Variants in PVT1 observed in about 807,000 individuals in gnomAD.
The protein encoded by PVT1 is Pvt1 oncogene.
intron 4 of PVT1, among the ~76,000 whole-genome samples, chr8:128,065,317 G>A (rs745672526): frequency 1.3e-5 from 2 of 152,042 alleles, no homozygotes; most frequent in African/African-American, 2.4e-5. Context: ...TCAGCCTCCA[G>A]AGTAGCTGGG....
intron 4 of PVT1, chr8:128,009,795 T>C (rs1170969540): frequency 1.3e-5 from 2 of 152,210 alleles, no homozygotes; most frequent in Non-Finnish European, 2.9e-5. Flanking sequence ...GTGTCTAAGA[T>C]GCAGTGTTAA....
chr8:127,851,558 C>T (rs751392002), intron 2 of PVT1, among the ~76,000 whole-genome samples: 4 of 152,236 alleles, frequency 2.6e-5, no homozygotes, highest in South Asian at 2.1e-4. Context: ...CCATGCTGCA[C>T]GGACACAGCC....
At chr8:127,814,027 C>T (rs916502134) in intron 2 of PVT1, among the ~76,000 whole-genome samples, 1 of 152,224 alleles carries the variant, frequency 6.6e-6, no homozygotes. Context: ...AGGTGATCCA[C>T]CCGCCTTGAC....
At chr8:128,042,722 T>C (rs1224052008) in intron 4 of PVT1, among the ~76,000 whole-genome samples, 2 of 151,934 alleles carry the variant, frequency 1.3e-5, no homozygotes, top group Admixed American at 6.6e-5. Context: ...TATGAGGAGA[T>C]TGGACTAGGT....
chr8:128,034,424 T>G (rs1038432767), intron 4 of PVT1, among the ~76,000 whole-genome samples: 1 of 152,218 alleles, frequency 6.6e-6, no homozygotes, highest in Non-Finnish European at 1.5e-5. Flanking sequence ...CTTTCCATTT[T>G]GGAACATTAC....
At chr8:127,896,206 G>C (rs1322057203) in intron 3 of PVT1, among the ~76,000 whole-genome samples, 4 of 152,050 alleles carry the variant, frequency 2.6e-5, no homozygotes, top group African/African-American at 9.7e-5. Context: ...CTATGTCCTA[G>C]GCTCTGATAT....
intron 3 of PVT1, among the ~76,000 whole-genome samples, chr8:127,897,774 A>G (rs1815701208): frequency 6.6e-6 from 1 of 151,324 alleles, no homozygotes. Context: ...CTGAGTGAAG[A>G]AAAATACCCT....
intron 2 of PVT1, among the ~76,000 whole-genome samples, chr8:127,839,046 A>G (rs1022222079): frequency 2.6e-5 from 4 of 152,040 alleles, no homozygotes; most frequent in African/African-American, 9.7e-5. Flanking sequence ...TGTACCATAT[A>G]GTCCAGATGT....
At chr8:127,969,484 C>T (rs1156790895) in intron 3 of PVT1, among the ~76,000 whole-genome samples, 2 of 152,206 alleles carry the variant, frequency 1.3e-5, no homozygotes, top group East Asian at 3.9e-4. Context: ...TGAAGTTCTA[C>T]AGCCCTCTGA....
At chr8:127,945,957 C>A (rs560763050) in intron 3 of PVT1, among the ~76,000 whole-genome samples, 1 of 152,264 alleles carries the variant, frequency 6.6e-6, no homozygotes, top group South Asian at 2.1e-4. Context: ...TAATAAAGGA[C>A]TAAAGCTACC....
chr8:128,052,458 A>G (rs913679975), intron 4 of PVT1, among the ~76,000 whole-genome samples: 4 of 151,968 alleles, frequency 2.6e-5, no homozygotes, highest in Admixed American at 6.6e-5. Context: ...TATTATTTCT[A>G]TGCTCCACCC....
intron 4 of PVT1, among the ~76,000 whole-genome samples, chr8:128,024,793 A>C (rs1003553497): frequency 2.0e-5 from 3 of 152,342 alleles, no homozygotes; most frequent in African/African-American, 7.2e-5. Context: ...CAGCATCATG[A>C]GGAGGATGCC....
chr8:127,964,447 C>T (rs1354611653), intron 3 of PVT1, among the ~76,000 whole-genome samples: 3 of 152,228 alleles, frequency 2.0e-5, no homozygotes, highest in Admixed American at 6.5e-5. Context: ...TTCAGACCCT[C>T]CAGAGTCAAA....
intron 2 of PVT1, among the ~76,000 whole-genome samples, chr8:127,875,010 G>A (rs1815390314): frequency 6.6e-6 from 1 of 152,000 alleles, no homozygotes; most frequent in African/African-American, 2.4e-5. Context: ...TGCTTCTTTG[G>A]ATGTGACCCC....
intron 2 of PVT1, among the ~76,000 whole-genome samples, chr8:127,869,941 T>A (rs1295035249): frequency 2.0e-5 from 3 of 152,120 alleles, no homozygotes; most frequent in Non-Finnish European, 4.4e-5. Context: ...GTAGCTGAGA[T>A]TACAGGCACC....
intron 5 of PVT1, among the ~76,000 whole-genome samples, chr8:128,079,495 T>C (rs1490124392): frequency 6.6e-6 from 1 of 152,218 alleles, no homozygotes; most frequent in Non-Finnish European, 1.5e-5. Context: ...ACATTGGGCT[T>C]CACTCTTTGT....
chr8:127,915,024 C>T (rs553071270), intron 3 of PVT1, among the ~76,000 whole-genome samples: 4 of 151,842 alleles, frequency 2.6e-5, no homozygotes, highest in Non-Finnish European at 5.9e-5. Flanking sequence ...GGGGTTTCAC[C>T]ATGTTGGCCA....
chr8:128,041,100 G>T (rs181838709), intron 4 of PVT1, among the ~76,000 whole-genome samples: 1 of 151,646 alleles, frequency 6.6e-6, no homozygotes, highest in African/African-American at 2.4e-5. Flanking sequence ...GTGTGTGCTT[G>T]TGTGTGATTG....
chr8:127,897,677 AG>A (rs1266106075), intron 3 of PVT1, among the ~76,000 whole-genome samples: 1 of 151,416 alleles, frequency 6.6e-6, no homozygotes, highest in African/African-American at 2.4e-5. Context: ...AAGGAAAGAA[AG>A]AAAGAAAAAG....
Sources: gnomAD v4.1 joint callset for allele counts (sites outside exome capture counted in the v4.1 genomes callset) on GRCh38, gnomAD v4.1.1 for gene constraint, MANE v1.5 for transcripts, NCBI Gene and HGNC (gene_info 2026-07-23, HGNC 2026-07-21) for gene names.